Variants in EVI5 observed in about 807,000 individuals in gnomAD.
The protein encoded by EVI5 is ecotropic viral integration site 5 protein homolog.
EVI5 carries 73 observed loss-of-function variants against 112.0 expected under a neutral mutation model. The ratio of observed to expected loss-of-function variants is 0.65; its 90% confidence interval spans 0.54 to 0.79. The LOEUF is 0.79. EVI5 is among the 30% of genes least tolerant of loss of function. EVI5 has a pLI of 0.00. For missense variants in EVI5, 900 were observed against 968.8 expected, an observed-to-expected ratio of 0.93 and a Z score of 0.94; for synonymous variants, 305 against 319.9, an observed-to-expected ratio of 0.95 and a Z score of 0.50.
intron 2 of EVI5, among the ~76,000 whole-genome samples, chr1:92,718,276 T>C (rs1674116108): frequency 6.6e-6 from 1 of 152,124 alleles, no homozygotes; most frequent in South Asian, 2.1e-4. Flanking sequence ...ATTCCAAAAT[T>C]GACCACATAG....
At chr1:92,657,082 A>C (rs1663129814) in intron 13 of EVI5, among the ~76,000 whole-genome samples, 1 of 152,138 alleles carries the variant, frequency 6.6e-6, no homozygotes, top group Non-Finnish European at 1.5e-5. Context: ...AAAAATAACA[A>C]AACTACAGAC....
At chr1:92,705,015 T>C (rs1671752186) in intron 2 of EVI5, among the ~76,000 whole-genome samples, 1 of 152,138 alleles carries the variant, frequency 6.6e-6, no homozygotes, top group South Asian at 2.1e-4. Context: ...TCGTCTCCAT[T>C]AAAAATTCAA....
At chr1:92,648,190 C>CAAAAAAAAAAAAAA (rs961901260) in intron 13 of EVI5, among the ~76,000 whole-genome samples, 1 of 24,068 alleles carries the variant, frequency 4.2e-5, no homozygotes, top group African/African-American at 1.9e-4. Context: ...ACTAAAAATA[C>CAAAAAAAAAAAAAA]AAAAAAAAAA....
Position 92,542,268 on chromosome 1 carries a change from C to CT in EVI5, c.2166+21373dup, listed in dbSNP as rs969642245. On this transcript the variant is annotated intron_variant, in intron 19 of 19. Coordinates refer to ENST00000684568, the MANE Select transcript of EVI5 (RefSeq NM_001350197.2). Reference sequence around the variant, plus strand: ...GAGAAGATTCTAGCTCAAGAAACCACTTTTTTTTTTTGCTCATCCCTAAGA... The same window carrying CT: ...GAGAAGATTCTAGCTCAAGAAACCACTTTTTTTTTTTTGCTCATCCCTAAGA... Among the ~76,000 whole-genome samples the CT allele has an allele frequency of 5.5e-4, 81 of 147,200 alleles. 1 individual carries two copies. The highest frequency in any genetic ancestry group is 4.3e-3 in the South Asian group (20 of 4,642).
intron 18 of EVI5, among the ~76,000 whole-genome samples, chr1:92,565,521 T>C (rs1669303182): frequency 1.3e-5 from 2 of 152,136 alleles, no homozygotes; most frequent in African/African-American, 4.8e-5. Context: ...GAAAAGCATT[T>C]GTCAATGTGG....
chr1:92,599,616 A>G (rs528657138), intron 18 of EVI5, among the ~76,000 whole-genome samples: 1 of 152,216 alleles, frequency 6.6e-6, no homozygotes, highest in African/African-American at 2.4e-5. Context: ...GCAAATTAAC[A>G]GCAAGTTAGC....
At chr1:92,609,990 A>T (rs916139158) in intron 16 of EVI5, among the ~76,000 whole-genome samples, 1 of 151,924 alleles carries the variant, frequency 6.6e-6, no homozygotes, top group African/African-American at 2.4e-5. Flanking sequence ...GGCTCAAGCT[A>T]TCCTCCCACC....
Position 92,702,216 on chromosome 1 carries a change from C to A in EVI5, c.565-1G>T. 1.3e-6 allele frequency: 2 copies of A among 1,508,494 alleles called. No individual in the cohort carries two copies. The highest frequency in any genetic ancestry group is 5.2e-5 in the East Asian group (2 of 38,480). 93.4% of individuals were successfully genotyped at this position (1,508,494 alleles called of 1,614,324 possible). On this transcript the variant is annotated splice_acceptor_variant, in intron 4 of 19. Coordinates refer to ENST00000684568, the MANE Select transcript of EVI5 (RefSeq NM_001350197.2). LOFTEE classifies it high-confidence loss of function. ...CCTCACGATCTACTAAAGAGTAAGC[C>A]TAAAAAGTAAAAAAAAGTTGTTCAA...
chr1:92,648,841 C>T (rs1451196822), intron 13 of EVI5, among the ~76,000 whole-genome samples: 4 of 152,218 alleles, frequency 2.6e-5, no homozygotes, highest in African/African-American at 9.7e-5. Flanking sequence ...CGTGTATACA[C>T]ATACTTGTTT....
intron 9 of EVI5, among the ~76,000 whole-genome samples, chr1:92,685,272 A>G (rs1668322295): frequency 6.6e-6 from 1 of 152,204 alleles, no homozygotes; most frequent in African/African-American, 2.4e-5. Context: ...GCACAACTAT[A>G]TGGAAACTGA....
intron 1 of EVI5, among the ~76,000 whole-genome samples, chr1:92,761,227 T>C (rs1013912680): frequency 2.6e-5 from 4 of 152,052 alleles, no homozygotes; most frequent in Admixed American, 1.3e-4. Flanking sequence ...CTAGGGGAAA[T>C]TGGCAGGTAG....
chr1:92,703,041 A>G (rs1671444227), intron 4 of EVI5, among the ~76,000 whole-genome samples: 1 of 152,188 alleles, frequency 6.6e-6, no homozygotes, highest in Admixed American at 6.5e-5. Flanking sequence ...TAGAAAGCAG[A>G]AAAATTTGCT....
At chr1:92,630,811 T>G (rs1290754343) in intron 14 of EVI5, among the ~76,000 whole-genome samples, 7 of 152,248 alleles carry the variant, frequency 4.6e-5, no homozygotes, top group South Asian at 4.1e-4. Flanking sequence ...GGTCTAACAT[T>G]TAAATCTTTA....
At position 92,638,409 on chromosome 1, in the gene EVI5, C is replaced by T. The variant is rs569860390; in HGVS notation, c.1393-2073G>A. Among the ~76,000 whole-genome samples, 4 of 151,214 alleles carry T rather than the reference C, an allele frequency of 2.6e-5. No individual in the cohort carries two copies. The East Asian group carries it at 7.7e-4, about 29-fold the overall frequency. ...TAAACGTATTATGTAAATTTTTTTG[C>T]CACTGACAGAGTTTACAGAATATAA... On this transcript the variant is annotated intron_variant, in intron 13 of 19. Coordinates refer to ENST00000684568, the MANE Select transcript of EVI5 (RefSeq NM_001350197.2).
At chr1:92,529,424 AT>A (rs1662467904) in intron 19 of EVI5, among the ~76,000 whole-genome samples, 1 of 152,194 alleles carries the variant, frequency 6.6e-6, no homozygotes, top group South Asian at 2.1e-4. Flanking sequence ...TTTTAAGTGA[AT>A]GTCAAGTATC....
At chr1:92,788,063 G>A (rs1685784231), upstream of EVI5, among the ~76,000 whole-genome samples, 1 of 152,074 alleles carries the variant, frequency 6.6e-6, no homozygotes, top group Admixed American at 6.6e-5. Context: ...TGAAATTTCT[G>A]GGTGGTAAAA....
At chr1:92,589,449 C>T (rs1673378058) in intron 18 of EVI5, among the ~76,000 whole-genome samples, 1 of 152,196 alleles carries the variant, frequency 6.6e-6, no homozygotes. Flanking sequence ...TCTTAGCAAA[C>T]AGCACACCAG....
chr1:92,525,929 C>G (rs1571315688), intron 19 of EVI5, among the ~76,000 whole-genome samples: 1 of 152,132 alleles, frequency 6.6e-6, no homozygotes, highest in African/African-American at 2.4e-5. Flanking sequence ...TCTATGGAAA[C>G]CCAGGAGCTT....
At chr1:92,711,638 G>C (rs1363800363) in intron 2 of EVI5, among the ~76,000 whole-genome samples, 1 of 152,106 alleles carries the variant, frequency 6.6e-6, no homozygotes, top group Non-Finnish European at 1.5e-5. Context: ...CTACGTGACA[G>C]AGCAAGACCC....
Sources: gnomAD v4.1 joint callset for allele counts (sites outside exome capture counted in the v4.1 genomes callset) on GRCh38, gnomAD v4.1.1 for gene constraint, MANE v1.5 for transcripts, NCBI Gene and HGNC (gene_info 2026-07-23, HGNC 2026-07-21) for gene names.